The following TMED3 variants were observed in gnomAD, a reference collection of about 807,000 sequenced individuals.
The protein encoded by TMED3 is transmembrane emp24 domain-containing protein 3.
In TMED3, 9 loss-of-function variants were observed where a neutral mutation model predicts 15.0. The observed-to-expected ratio is 0.60, with a 90% CI of 0.36 to 1.04. The LOEUF (loss-of-function observed/expected upper bound fraction) is 1.04, where lower values mean the gene tolerates loss of function less well. Ranked by LOEUF, TMED3 falls within the 50% of genes least tolerant of loss-of-function variation. The pLI is 0.01. For synonymous variants in TMED3, 117 were observed against 121.4 expected (o/e 0.96, Z 0.24); for missense variants, 267 against 278.9 (o/e 0.96, Z 0.30).
intron 2 of TMED3, among the ~76,000 whole-genome samples, chr15:79,342,344 G>A (rs1047334719): frequency 2.0e-5 from 3 of 152,076 alleles, no homozygotes; most frequent in Non-Finnish European, 4.4e-5. Flanking sequence ...ATTTGAAGAA[G>A]GGTTGGCAAA....
chr15:79,328,372 T>C (rs1426118781), intron 2 of TMED3, among the ~76,000 whole-genome samples: 1 of 152,258 alleles, frequency 6.6e-6, no homozygotes, highest in Non-Finnish European at 1.5e-5. Context: ...TCCTTTAATT[T>C]ATAAAGTAAT....
intron 2 of TMED3, among the ~76,000 whole-genome samples, chr15:79,318,452 T>G (rs1406482586): frequency 6.6e-6 from 1 of 152,200 alleles, no homozygotes; most frequent in Non-Finnish European, 1.5e-5. Context: ...TTTGAAATCC[T>G]TGTAACCTCA....
At chr15:79,343,732 C>T (rs1490630446) in intron 2 of TMED3, among the ~76,000 whole-genome samples, 2 of 152,072 alleles carry the variant, frequency 1.3e-5, no homozygotes, top group East Asian at 3.9e-4. Flanking sequence ...GTGGGACAGG[C>T]TCTTGGGTTG....
chr15:79,336,731 G>GA lies in TMED3; in HGVS notation c.417+22733dup, dbSNP rs566830164. ...CAAACAAACACAAAAAACAAACAAA[G>GA]AAAAAAACACATTAGCACCCTAGCT... On this transcript the variant is annotated intron_variant, in intron 2 of 2. Coordinates refer to the TMED3 transcript ENST00000424155. Among the ~76,000 whole-genome samples, 734 of 147,252 alleles carry GA rather than the reference G, an allele frequency of 5.0e-3. 11 individuals carry two copies. Among genetic ancestry groups the GA allele is most frequent in the African/African-American group, 0.017 (707 of 40,658 alleles).
At chr15:79,352,612 T>C (rs1216484087) in intron 2 of TMED3, among the ~76,000 whole-genome samples, 1 of 151,090 alleles carries the variant, frequency 6.6e-6, no homozygotes, top group Non-Finnish European at 1.5e-5. Context: ...CAAAATTATC[T>C]TTCTTTGTGA....
intron 2 of TMED3, among the ~76,000 whole-genome samples, chr15:79,364,295 C>G (rs1192574485): frequency 6.6e-6 from 1 of 152,142 alleles, no homozygotes; most frequent in African/African-American, 2.4e-5. Flanking sequence ...CATGTTTAAG[C>G]AAGCCCCCTG....
intron 2 of TMED3, among the ~76,000 whole-genome samples, chr15:79,409,724 A>C (rs1893947049): frequency 6.6e-6 from 1 of 152,328 alleles, no homozygotes; most frequent in African/African-American, 2.4e-5. Flanking sequence ...TATTGTAAGA[A>C]AAGAATGCCT....
At chr15:79,400,298 A>G (rs1893816867) in intron 2 of TMED3, among the ~76,000 whole-genome samples, 1 of 152,124 alleles carries the variant, frequency 6.6e-6, no homozygotes, top group Non-Finnish European at 1.5e-5. Flanking sequence ...ATTCTTTGTC[A>G]TAGCACCTGT....
chr15:79,332,693 C>A (rs2058813900), intron 2 of TMED3, among the ~76,000 whole-genome samples: 1 of 152,162 alleles, frequency 6.6e-6, no homozygotes, highest in Non-Finnish European at 1.5e-5. Context: ...CTCATGGTGG[C>A]CTCCTTCCAG....
rs1555423285 is a variant in TMED3 at position 79,361,723 on chromosome 15, A to AAAT, written c.417+47720_417+47721insTAA. On this transcript the variant is annotated intron_variant, in intron 2 of 2. Coordinates refer to the TMED3 transcript ENST00000424155. The stretch of plus-strand genomic sequence containing the variant: ...TATGGAAATAAAAAAATTAAAAAAA[A>AAAT]AAAAATATTTAAACATTCAATATTA... 3.9e-5 allele frequency among the ~76,000 whole-genome samples: 6 copies of AAAT among 152,082 alleles called. No individual in the cohort carries two copies. The South Asian group carries it at 6.2e-4, about 16-fold the overall frequency.
At chr15:79,357,666 G>A (rs1469365317) in intron 2 of TMED3, among the ~76,000 whole-genome samples, 1 of 151,944 alleles carries the variant, frequency 6.6e-6, no homozygotes, top group African/African-American at 2.4e-5. Context: ...CTGGGCCACT[G>A]TAGAGGGAGC....
In TMED3 at chr15:79,403,242, A is replaced by C. The variant is rs1038008331; in HGVS notation, c.418-8158A>C. On this transcript the variant is annotated intron_variant, in intron 2 of 2. Transcript: ENST00000424155. ...TCTCAAAAAAAAAAAAAAAAAAAAA[A>C]AAAAAAAGACTTGATTTGATACAGG... 3.5e-5 allele frequency among the ~76,000 whole-genome samples: 5 copies of C among 144,870 alleles called. No individual in the cohort carries two copies. The East Asian group carries it at 7.8e-4, about 22-fold the overall frequency.
chr15:79,331,410 A>G (rs1410278082), intron 2 of TMED3, among the ~76,000 whole-genome samples: 1 of 77,976 alleles, frequency 1.3e-5, no homozygotes, highest in African/African-American at 4.0e-5. Context: ...AATCCACTCA[A>G]AATGATCAAA....
chr15:79,378,028 C>T lies in TMED3; in HGVS notation c.418-33372C>T, dbSNP rs184749869. Among the ~76,000 whole-genome samples, 583 of 152,328 alleles carry T rather than the reference C, an allele frequency of 3.8e-3. 1 individual carries two copies. The highest frequency in any genetic ancestry group is 0.013 in the African/African-American group (552 of 41,580). ...TTATTTTGCCACATCCCTTCCAATA[C>T]ATAATTTTAGCTTATGCTATAATAC... is the stretch of plus-strand genomic sequence containing the variant. On this transcript the variant is annotated intron_variant, in intron 2 of 2. Transcript: ENST00000424155.
rs550208406 is a variant in TMED3 at position 79,382,356 on chromosome 15, G to C, written c.418-29044G>C. Among the ~76,000 whole-genome samples, 7 of 152,344 alleles carry C rather than the reference G, an allele frequency of 4.6e-5. No homozygotes were observed. In the East Asian group the frequency reaches 1.2e-3, roughly 25 times the overall value. ...AGGCTATAAGCTGGCTGGACCCCCA[G>C]ACTCTGCTCTGTGTTCTGCCTCACT... On this transcript the variant is annotated intron_variant, in intron 2 of 2. Coordinates refer to the TMED3 transcript ENST00000424155.
intron 2 of TMED3, among the ~76,000 whole-genome samples, chr15:79,319,319 C>G (rs2058754305): frequency 6.6e-6 from 1 of 152,236 alleles, no homozygotes; most frequent in Non-Finnish European, 1.5e-5. Flanking sequence ...AGCTGCTGCC[C>G]TGTAATGCAG....
chr15:79,371,314 CTT>C (rs111574761), intron 2 of TMED3, among the ~76,000 whole-genome samples: 171 of 152,158 alleles, frequency 1.1e-3, no homozygotes, highest in African/African-American at 3.8e-3. Context: ...TATAAAATGT[CTT>C]TTGTTGATGA....
downstream of TMED3, among the ~76,000 whole-genome samples, chr15:79,324,647 T>C (rs2058780933): frequency 6.6e-6 from 1 of 152,232 alleles, no homozygotes; most frequent in Non-Finnish European, 1.5e-5. Flanking sequence ...ATATTTTAGA[T>C]GTCAGCTTTA....
At chr15:79,388,885 ATCT>A (rs1214687626) in intron 2 of TMED3, among the ~76,000 whole-genome samples, 1 of 152,086 alleles carries the variant, frequency 6.6e-6, no homozygotes, top group Non-Finnish European at 1.5e-5. Flanking sequence ...CCATTTGTAT[ATCT>A]TCTTTTGAGA....
Sources: gnomAD v4.1 joint callset for allele counts (sites outside exome capture counted in the v4.1 genomes callset) on GRCh38, gnomAD v4.1.1 for gene constraint, MANE v1.5 for transcripts, NCBI Gene and HGNC (gene_info 2026-07-23, HGNC 2026-07-21) for gene names.